Variants in TENM3 observed in about 807,000 individuals in gnomAD.
TENM3 encodes the protein teneurin transmembrane protein 3, also known as teneurin-3.
In TENM3, 63 loss-of-function variants were observed where a neutral mutation model predicts 255.1. That is an observed-to-expected ratio of 0.25 (90% CI 0.20 to 0.30). The LOEUF is 0.30. Ranked by LOEUF, TENM3 falls within the 10% of genes least tolerant of loss-of-function variation. The probability of loss-of-function intolerance (pLI) is 1.00; values close to 1 mark genes in which losing one functional copy is unlikely to be tolerated. For synonymous variants in TENM3, 1,306 were observed against 1,322.3 expected (o/e 0.99, Z 0.27); for missense variants, 2,929 against 3,461.1 (o/e 0.85, Z 3.86).
chr4:182,300,072 C>T lies in TENM3; in HGVS notation c.-75-23874C>T, dbSNP rs182152458. Among the ~76,000 whole-genome samples, 94 of 152,186 alleles carry T rather than the reference C, an allele frequency of 6.2e-4. 1 individual carries two copies. The highest frequency in any genetic ancestry group is 6.2e-4 in the South Asian group (3 of 4,822). ...CTGGGATTACAGGTGTTCACAGCCA[C>T]GCCTGGCTAATTTCTGTATTTTTAG... is the stretch of plus-strand genomic sequence containing the variant. On this transcript the variant is annotated intron_variant, in intron 1 of 27. Coordinates refer to ENST00000511685, the MANE Select transcript of TENM3 (RefSeq NM_001080477.4).
chr4:182,131,622 A>G, the TENM3 span, among the ~76,000 whole-genome samples: 1 of 152,146 alleles, frequency 6.6e-6, no homozygotes, highest in African/African-American at 2.4e-5. Flanking sequence ...TTTAGGGTTA[A>G]TCTGTCACTG....
the TENM3 span, among the ~76,000 whole-genome samples, chr4:181,481,775 C>T: frequency 1.0e-3 from 153 of 151,860 alleles, 1 homozygote; most frequent in African/African-American, 3.4e-3. Flanking sequence ...TCTTCATGTG[C>T]AAAAAAGGAG....
At chr4:182,051,125 C>T in the TENM3 span, among the ~76,000 whole-genome samples, 1 of 151,726 alleles carries the variant, frequency 6.6e-6, no homozygotes, top group African/African-American at 2.4e-5. Flanking sequence ...AGGTGGATCA[C>T]CTGAGGTCAG....
chr4:182,603,765 T>TTTTATATATATATATATA (rs778280837), intron 4 of TENM3, among the ~76,000 whole-genome samples: 2 of 95,504 alleles, frequency 2.1e-5, no homozygotes, highest in Non-Finnish European at 4.9e-5. Context: ...TGGCAATTAT[T>TTTTATATATATATATATA]TATATATATA....
the TENM3 span, among the ~76,000 whole-genome samples, chr4:181,884,681 TA>T: frequency 6.6e-6 from 1 of 152,260 alleles, no homozygotes; most frequent in African/African-American, 2.4e-5. Context: ...CCCTTTCTTT[TA>T]AAAAAATAAT....
the TENM3 span, among the ~76,000 whole-genome samples, chr4:181,798,090 A>AGTGTGTGT: frequency 0.011 from 1,598 of 149,888 alleles, 32 homozygotes; most frequent in African/African-American, 0.036. Flanking sequence ...TTTCAAAATA[A>AGTGTGTGT]GTGTGTGTGT....
At position 182,801,986 on chromosome 4, in the gene TENM3, C is replaced by T. The variant is rs1258579375; in HGVS notation, c.*1635C>T. ...ATCGAGCTATAGTACACACTGTTTT[C>T]CTCTATGTATAATGGTGATAAAATA... On this transcript the variant is annotated 3_prime_UTR_variant, in exon 28 of 28. Coordinates refer to ENST00000511685, the MANE Select transcript of TENM3 (RefSeq NM_001080477.4). 1 of 152,590 alleles carries T rather than the reference C, an allele frequency of 6.6e-6. No individual in the cohort carries two copies. Among genetic ancestry groups the T allele is most frequent in the Non-Finnish European group, 1.5e-5 (1 of 68,020 alleles). 9.5% of individuals were successfully genotyped at this position (152,590 alleles called of 1,614,324 possible).
At chr4:181,595,434 A>C in the TENM3 span, among the ~76,000 whole-genome samples, 2 of 40,870 alleles carry the variant, frequency 4.9e-5, 1 homozygote. Flanking sequence ...CCATCCCAAA[A>C]AAAAAAAAAA....
At chr4:181,537,686 C>T in the TENM3 span, among the ~76,000 whole-genome samples, 1 of 152,102 alleles carries the variant, frequency 6.6e-6, no homozygotes, top group African/African-American at 2.4e-5. Context: ...GTTTAAGAAA[C>T]AAAGAACCAG....
At chr4:182,185,936 A>G (rs757946366) in intron 1 of TENM3, among the ~76,000 whole-genome samples, 5 of 152,250 alleles carry the variant, frequency 3.3e-5, no homozygotes, top group Admixed American at 6.5e-5. Flanking sequence ...CTGTTAAGAG[A>G]ACTACATTTA....
In TENM3 at chr4:182,196,406, G is replaced by T. The variant is rs1481771918; in HGVS notation, c.-76+51652G>T. On this transcript the variant is annotated intron_variant, in intron 1 of 2. Transcript: ENST00000512480. ...TGTGGGATTACCAATTCAGAAGGTT[G>T]GTAATTCACCATAGCCACGCCTCAT... Among the ~76,000 whole-genome samples, 4 of 152,114 alleles carry T rather than the reference G, an allele frequency of 2.6e-5. No homozygotes were observed. The East Asian group carries it at 7.7e-4, about 29-fold the overall frequency.
chr4:181,593,233 AT>A, the TENM3 span, among the ~76,000 whole-genome samples: 1 of 152,182 alleles, frequency 6.6e-6, no homozygotes, highest in South Asian at 2.1e-4. Flanking sequence ...GTTTGGAGGC[AT>A]TTCTATTTTA....
chr4:181,450,470 G>A, the TENM3 span, among the ~76,000 whole-genome samples: 2 of 152,070 alleles, frequency 1.3e-5, no homozygotes, highest in Admixed American at 6.6e-5. Context: ...AAATGAAAAA[G>A]GGCATCTGCT....
At chr4:181,685,674 TA>T in the TENM3 span, among the ~76,000 whole-genome samples, 1 of 152,208 alleles carries the variant, frequency 6.6e-6, no homozygotes, top group East Asian at 1.9e-4. Flanking sequence ...CAATCCAGAA[TA>T]ATGCCAAAGG....
chr4:182,508,482 A>G (rs1204468547), intron 3 of TENM3, among the ~76,000 whole-genome samples: 2 of 152,176 alleles, frequency 1.3e-5, no homozygotes, highest in East Asian at 1.9e-4. Flanking sequence ...TATCACTATC[A>G]TCATTATTTC....
the TENM3 span, among the ~76,000 whole-genome samples, chr4:182,069,970 C>G: frequency 8.7e-3 from 1,318 of 152,130 alleles, 17 homozygotes; most frequent in Non-Finnish European, 0.011. Context: ...GGAAAGCTTC[C>G]CAGAGGTCAT....
At chr4:181,713,403 T>C in the TENM3 span, among the ~76,000 whole-genome samples, 1 of 152,212 alleles carries the variant, frequency 6.6e-6, no homozygotes, top group Non-Finnish European at 1.5e-5. Flanking sequence ...TTATGTGGGA[T>C]GGTGGAGTTA....
chr4:182,003,229 T>C, the TENM3 span, among the ~76,000 whole-genome samples: 1 of 152,118 alleles, frequency 6.6e-6, no homozygotes, highest in Non-Finnish European at 1.5e-5. Flanking sequence ...TTTATGTCCA[T>C]CTTCTCAGAA....
the TENM3 span, among the ~76,000 whole-genome samples, chr4:181,760,999 C>CACACACACAT: frequency 0.07 from 10,120 of 145,552 alleles, 472 homozygotes; most frequent in African/African-American, 0.1. Flanking sequence ...CACACACACA[C>CACACACACAT]ACACACACAC....
Sources: allele counts gnomAD v4.1 joint callset (sites outside exome capture counted in the v4.1 genomes callset), GRCh38; gene constraint gnomAD v4.1.1; transcripts MANE v1.5; gene names NCBI Gene and HGNC (gene_info 2026-07-23, HGNC 2026-07-21).